The following MBD5 variants were observed in gnomAD, a reference collection of about 807,000 sequenced individuals.
MBD5 encodes the protein methyl-CpG-binding domain protein 5.
Under a neutral mutation model 117.3 loss-of-function variants are expected in MBD5, and 13 were observed. The ratio of observed to expected loss-of-function variants is 0.11; its 90% CI spans 0.07 to 0.18. The LOEUF (loss-of-function observed/expected upper bound fraction) is 0.18. Among genes scored for constraint, MBD5 ranks in the 10% least tolerant of loss-of-function variants. MBD5 has a pLI of 1.00. For synonymous variants in MBD5, 727 were observed against 766.4 expected (o/e 0.95, Z 0.85); for missense variants, 1,879 against 2,093.8 (o/e 0.90, Z 2.00).
chr2:148,168,584 A>G (rs962397223), intron 1 of MBD5, among the ~76,000 whole-genome samples: 2 of 152,154 alleles, frequency 1.3e-5, no homozygotes, highest in African/African-American at 4.8e-5. Flanking sequence ...ATATACTACT[A>G]GAGATGTGTA....
chr2:148,083,273 G>A (rs1422419836), intron 1 of MBD5, among the ~76,000 whole-genome samples: 1 of 152,130 alleles, frequency 6.6e-6, no homozygotes, highest in Non-Finnish European at 1.5e-5. Context: ...TGGTTAATTG[G>A]TTTGGCTTAT....
chr2:148,401,261 C>T (rs145530592), intron 4 of MBD5, among the ~76,000 whole-genome samples: 1 of 152,178 alleles, frequency 6.6e-6, no homozygotes, highest in African/African-American at 2.4e-5. Flanking sequence ...ACTATCTGCT[C>T]ATTAATTCCT....
At chr2:148,466,098 G>A (rs1707251888) in intron 7 of MBD5, among the ~76,000 whole-genome samples, 2 of 152,006 alleles carry the variant, frequency 1.3e-5, no homozygotes, top group South Asian at 4.1e-4. Flanking sequence ...TTCAGACATA[G>A]CATTTATTTT....
intron 3 of MBD5, among the ~76,000 whole-genome samples, chr2:148,271,734 C>A (rs1700991567): frequency 6.6e-6 from 1 of 151,996 alleles, no homozygotes; most frequent in Non-Finnish European, 1.5e-5. Context: ...TGTGAATTGG[C>A]TAAATCAAGC....
intron 4 of MBD5, among the ~76,000 whole-genome samples, chr2:148,434,893 ACTTGTTTTATGAATCTGGGTG>A (rs972837346): frequency 3.3e-5 from 5 of 152,112 alleles, no homozygotes; most frequent in African/African-American, 1.2e-4. Flanking sequence ...GTCTCTAAGA[ACTTGTTTTATGAATCTGGGTG>A]CTTGTTTTAT....
At chr2:148,268,528 G>A (rs147930503) in intron 3 of MBD5, among the ~76,000 whole-genome samples, 198 of 151,040 alleles carry the variant, frequency 1.3e-3, no homozygotes, top group African/African-American at 4.5e-3. Flanking sequence ...TTTTCATGTC[G>A]ATTATTTTGT....
In MBD5 at chr2:148,483,349, A is replaced by G. The variant is rs770157538; in HGVS notation, c.2758A>G (p.Ser920Gly). Residue 920 changes from serine (S) to glycine (G), a missense_variant, in exon 9 of 14, where the codon AGT (serine) becomes GGT (glycine). Coordinates refer to ENST00000642680, the MANE Select transcript of MBD5 (RefSeq NM_001378120.1). ...LPHPLNPSLL[S>G]SLPISLPVNQ... ...ACACCCCTTGAACCCCAGCCTCCTC[A>G]GTTCTCTACCTATCTCTTTGCCAGT... The G allele has an allele frequency of 1.2e-6, 2 of 1,614,028 alleles. No homozygotes were observed. Among genetic ancestry groups the G allele is most frequent in the East Asian group, 2.2e-5 (1 of 44,876 alleles).
intron 4 of MBD5, among the ~76,000 whole-genome samples, chr2:148,395,252 C>T (rs1704677175): frequency 6.6e-6 from 1 of 152,142 alleles, no homozygotes; most frequent in Non-Finnish European, 1.5e-5. Flanking sequence ...TTCCTTTAGC[C>T]ACTTATGGTT....
chr2:148,179,203 A>G (rs1159113898), intron 2 of MBD5, among the ~76,000 whole-genome samples: 1 of 151,986 alleles, frequency 6.6e-6, no homozygotes, highest in East Asian at 1.9e-4. Context: ...AAATACAAAA[A>G]AATTAGGCGG....
rs564242549 is a variant in MBD5 at position 148,173,025 on chromosome 2, A to G, written c.-924-5675A>G. Among the ~76,000 whole-genome samples the G allele has an allele frequency of 5.3e-5, 8 of 152,226 alleles. No homozygotes were observed. The East Asian group carries it at 1.5e-3, about 29-fold the overall frequency. ...GCTCCTCTCTGCCTGCTCACCCTCC[A>G]GTTGTTCGCGTACCTCATTCTTGCT... On this transcript the variant is annotated intron_variant, in intron 1 of 13. Transcript: ENST00000642680.
intron 1 of MBD5, among the ~76,000 whole-genome samples, chr2:148,083,494 A>G (rs1240911407): frequency 4.6e-5 from 7 of 152,180 alleles, no homozygotes; most frequent in African/African-American, 1.7e-4. Context: ...CATCCAAAAT[A>G]TAATATGTAT....
chr2:148,412,203 T>C (rs1705274093), intron 4 of MBD5, among the ~76,000 whole-genome samples: 1 of 151,968 alleles, frequency 6.6e-6, no homozygotes, highest in African/African-American at 2.4e-5. Context: ...TTCTATTCCA[T>C]TGGTGTATGT....
intron 3 of MBD5, among the ~76,000 whole-genome samples, chr2:148,328,700 T>TCA (rs1702544875): frequency 1.3e-5 from 2 of 152,096 alleles, no homozygotes; most frequent in Admixed American, 6.5e-5. Context: ...CTGCTTTGGC[T>TCA]CGCACATGGT....
intron 4 of MBD5, among the ~76,000 whole-genome samples, chr2:148,345,253 C>G (rs545984986): frequency 6.7e-6 from 1 of 149,858 alleles, no homozygotes; most frequent in African/African-American, 2.5e-5. Flanking sequence ...CATACACATG[C>G]GCATATATAT....
chr2:148,266,408 GC>G (rs1183348387), intron 3 of MBD5, among the ~76,000 whole-genome samples: 1 of 151,778 alleles, frequency 6.6e-6, no homozygotes, highest in Non-Finnish European at 1.5e-5. Context: ...ATGATAAAAA[GC>G]ATTTACAAAA....
intron 2 of MBD5, among the ~76,000 whole-genome samples, chr2:148,199,822 T>C (rs1699091984): frequency 1.3e-5 from 2 of 152,084 alleles, no homozygotes; most frequent in African/African-American, 4.8e-5. Context: ...TTATCCCAGC[T>C]CTCTATAACA....
intron 1 of MBD5, among the ~76,000 whole-genome samples, chr2:148,167,163 C>T (rs912089558): frequency 1.3e-5 from 2 of 152,238 alleles, no homozygotes; most frequent in Admixed American, 1.3e-4. Context: ...TCCTTTAAAA[C>T]ATATCTACAG....
chr2:148,506,538 G>A lies in MBD5; in HGVS notation c.5037-3522G>A, dbSNP rs890182009. On this transcript the variant is annotated intron_variant, in intron 12 of 13. Coordinates refer to ENST00000642680, the MANE Select transcript of MBD5 (RefSeq NM_001378120.1). Reference sequence around the variant, plus strand: ...GTCTCACCCAAATTTGTTACATACTGTATGAAGTGAGTCACTTAAACTCTG... The same window carrying A: ...GTCTCACCCAAATTTGTTACATACTATATGAAGTGAGTCACTTAAACTCTG... Among the ~76,000 whole-genome samples the A allele has an allele frequency of 7.2e-5, 11 of 152,186 alleles. 1 individual carries two copies. The highest frequency in any genetic ancestry group is 2.1e-4 in the South Asian group (1 of 4,828).
At chr2:148,175,329 T>A (rs12619583) in intron 1 of MBD5, among the ~76,000 whole-genome samples, 1 of 152,012 alleles carries the variant, frequency 6.6e-6, no homozygotes, top group Non-Finnish European at 1.5e-5. Context: ...AAACCACAAA[T>A]TTATATCTCA....
Sources: gnomAD v4.1 joint callset for allele counts (sites outside exome capture counted in the v4.1 genomes callset) on GRCh38, gnomAD v4.1.1 for gene constraint, MANE v1.5 for transcripts, NCBI Gene and HGNC (gene_info 2026-07-23, HGNC 2026-07-21) for gene names.